RIMS2: variants seen among roughly 807,000 people sequenced by gnomAD.
RIMS2 encodes regulating synaptic membrane exocytosis 2.
In RIMS2, 59 loss-of-function variants were observed where a neutral mutation model predicts 174.4. The observed-to-expected ratio is 0.34, with a 90% confidence interval of 0.27 to 0.42. The LOEUF is 0.42. RIMS2 is among the 10% of genes least tolerant of loss of function. RIMS2 has a pLI of 1.00. For missense variants in RIMS2, 1,620 were observed against 1,666.3 expected, an observed-to-expected ratio of 0.97 and a Z score of 0.48; for synonymous variants, 606 against 572.5, an observed-to-expected ratio of 1.06 and a Z score of -0.84.
downstream of RIMS2, chr8:104,253,723 G>A (rs2099363950): frequency 6.6e-6 from 1 of 152,068 alleles, no homozygotes. Context: ...ATTATAGCTT[G>A]ATTTTAATTT....
At chr8:104,079,598 GATATATATATATATAT>G (rs5893676) in intron 19 of RIMS2, among the ~76,000 whole-genome samples, 1,804 of 51,002 alleles carry the variant, frequency 0.035, 68 homozygotes, top group Middle Eastern at 0.12. Flanking sequence ...GATTAAGCAT[GATATATATATATATAT>G]ATATATATAT....
intron 19 of RIMS2, among the ~76,000 whole-genome samples, chr8:104,165,863 A>T (rs1386525795): frequency 2.0e-5 from 3 of 152,148 alleles, no homozygotes; most frequent in Admixed American, 2.0e-4. Flanking sequence ...TGTTTCTAAT[A>T]AAGAAAAATG....
intron 19 of RIMS2, among the ~76,000 whole-genome samples, chr8:104,070,034 T>C (rs190592337): frequency 4.3e-4 from 65 of 152,328 alleles, no homozygotes; most frequent in East Asian, 3.1e-3. Flanking sequence ...AGGCCTGTTT[T>C]ATCCTTACAT....
At chr8:104,140,226 ATAATATTC>A (rs1418629239) in intron 19 of RIMS2, among the ~76,000 whole-genome samples, 1 of 152,114 alleles carries the variant, frequency 6.6e-6, no homozygotes, top group African/African-American at 2.4e-5. Flanking sequence ...TGTATTATTT[ATAATATTC>A]TCTTGAATAT....
intron 2 of RIMS2, among the ~76,000 whole-genome samples, chr8:103,747,196 C>T (rs1335880631): frequency 6.6e-6 from 1 of 150,746 alleles, no homozygotes; most frequent in Non-Finnish European, 1.5e-5. Context: ...CACCCACTAA[C>T]TCGTCATCTA....
At chr8:103,637,018 C>T (rs1034688522) in intron 1 of RIMS2, among the ~76,000 whole-genome samples, 1 of 152,082 alleles carries the variant, frequency 6.6e-6, no homozygotes, top group African/African-American at 2.4e-5. Context: ...CTTCCTAAGA[C>T]CCAAACTAGA....
Position 104,232,974 on chromosome 8 carries a change from G to GA in RIMS2, c.3335-11932dup, listed in dbSNP as rs34214492. On this transcript the variant is annotated intron_variant, in intron 19 of 23. Transcript: ENST00000504942. ...AATATAAAATAATTACCAGTGGTAA[G>GA]AAAAAAAAAACTAAGCTCAATATGA... Among the ~76,000 whole-genome samples the GA allele has an allele frequency of 4.8e-3, 715 of 149,808 alleles. 9 individuals carry two copies. The highest frequency in any genetic ancestry group is 0.016 in the African/African-American group (646 of 41,054).
intron 4 of RIMS2, among the ~76,000 whole-genome samples, chr8:103,896,763 A>G (rs371670400): frequency 6.6e-6 from 1 of 151,726 alleles, no homozygotes; most frequent in South Asian, 2.1e-4. Flanking sequence ...GGATGATTAG[A>G]TGGGATTCTG....
chr8:103,870,411 C>T (rs1165832726), intron 3 of RIMS2, among the ~76,000 whole-genome samples: 1 of 150,832 alleles, frequency 6.6e-6, no homozygotes, highest in Non-Finnish European at 1.5e-5. Flanking sequence ...TACACCACTG[C>T]AATAATAAAA....
intron 16 of RIMS2, among the ~76,000 whole-genome samples, chr8:103,983,306 A>G (rs1292474283): frequency 6.6e-6 from 1 of 152,210 alleles, no homozygotes; most frequent in African/African-American, 2.4e-5. Context: ...CAATGATGTT[A>G]AACTTTCTAT....
At chr8:104,109,920 G>A (rs1208895493) in intron 19 of RIMS2, among the ~76,000 whole-genome samples, 4 of 152,076 alleles carry the variant, frequency 2.6e-5, no homozygotes, top group African/African-American at 9.7e-5. Flanking sequence ...ATTTTATTCA[G>A]CAAATAATTT....
chr8:103,887,677 G>A (rs561520787), intron 4 of RIMS2, among the ~76,000 whole-genome samples: 2 of 151,506 alleles, frequency 1.3e-5, no homozygotes, highest in African/African-American at 4.8e-5. Context: ...ATCACTAAGG[G>A]AATTCAAGAA....
At chr8:103,900,809 T>C (rs1456432864) in intron 4 of RIMS2, among the ~76,000 whole-genome samples, 1 of 152,144 alleles carries the variant, frequency 6.6e-6, no homozygotes, top group Non-Finnish European at 1.5e-5. Flanking sequence ...TTTCTTTCAG[T>C]CACAGGATTC....
intron 4 of RIMS2, among the ~76,000 whole-genome samples, chr8:103,898,371 T>TCACATACC: frequency 6.6e-6 from 1 of 151,682 alleles, no homozygotes; most frequent in East Asian, 1.9e-4. Context: ...GGGTATGTGA[T>TCACATACC]AGTTCTGGTC....
chr8:104,015,972 G>T lies in RIMS2; in HGVS notation c.3334+1357G>T, dbSNP rs547008320. Among the ~76,000 whole-genome samples, 4 of 152,146 alleles carry T rather than the reference G, an allele frequency of 2.6e-5. No homozygotes were observed. In the South Asian group the frequency reaches 8.3e-4, roughly 32 times the overall value. The stretch of plus-strand genomic sequence containing the variant: ...TCATTTTTCATGTTGTAGCAAGACT[G>T]CTTACAGTATATCAGAGTTAAATAT... On this transcript the variant is annotated intron_variant, in intron 19 of 23. Transcript: ENST00000504942.
intron 16 of RIMS2, among the ~76,000 whole-genome samples, chr8:103,979,353 AC>A (rs2093698275): frequency 6.6e-6 from 1 of 152,168 alleles, no homozygotes; most frequent in African/African-American, 2.4e-5. Flanking sequence ...AGAAAAGGGA[AC>A]CCTGGTACAC....
intron 3 of RIMS2, among the ~76,000 whole-genome samples, chr8:103,874,060 G>T (rs1315083616): frequency 6.6e-6 from 1 of 152,024 alleles, no homozygotes; most frequent in Non-Finnish European, 1.5e-5. Context: ...CCTGTAAAGC[G>T]ACCTAGAACC....
chr8:103,708,218 T>G (rs1201504293), intron 2 of RIMS2, among the ~76,000 whole-genome samples: 1 of 152,208 alleles, frequency 6.6e-6, no homozygotes, highest in Non-Finnish European at 1.5e-5. Context: ...GCCACTTTTG[T>G]TAGCCTGTGG....
In RIMS2 at chr8:104,248,891, T is replaced by TTCTCTCTC. The variant is rs368851079; in HGVS notation, c.3589+92_3589+99dup. 5.9e-3 allele frequency: 3,724 copies of TTCTCTCTC among 628,282 alleles called. 45 individuals are homozygous for TTCTCTCTC. The highest frequency in any genetic ancestry group is 0.04 in the African/African-American group (1,900 of 48,018). 38.9% of individuals were successfully genotyped at this position (628,282 alleles called of 1,614,324 possible). A position where few individuals can be genotyped will look rare whatever the true frequency, so the allele number is the denominator to read the frequency against. ...GAAATTCTCTAAATTTCATAGAATC[T>TTCTCTCTC]TCTCTCTCTCTCTCTCTCTCTTTCC... On this transcript the variant is annotated intron_variant, in intron 21 of 23. Transcript: ENST00000504942.
Sources: gnomAD v4.1 joint callset for allele counts (sites outside exome capture counted in the v4.1 genomes callset) on GRCh38, gnomAD v4.1.1 for gene constraint, MANE v1.5 for transcripts, NCBI Gene and HGNC (gene_info 2026-07-23, HGNC 2026-07-21) for gene names.